Variants in GRIP1 observed in about 807,000 individuals in gnomAD.
GRIP1 encodes glutamate receptor interacting protein 1.
Under a neutral mutation model 129.9 loss-of-function variants are expected in GRIP1, and 45 were observed. The observed-to-expected ratio is 0.35, with a 90% confidence interval of 0.27 to 0.44. GRIP1 has a LOEUF of 0.44. Among genes scored for constraint, GRIP1 ranks in the 20% least tolerant of loss-of-function variants. The pLI is 1.00. For missense variants in GRIP1, 1,196 were observed against 1,396.8 expected (o/e 0.86, Z 2.29); for synonymous variants, 530 against 520.8 (o/e 1.02, Z -0.24).
At chr12:66,397,612 AT>A (rs1327327152) in intron 16 of GRIP1, among the ~76,000 whole-genome samples, 1 of 152,178 alleles carries the variant, frequency 6.6e-6, no homozygotes, top group African/African-American at 2.4e-5. Context: ...AAATGTGAAC[AT>A]TGAGTGAATA....
chr12:66,497,514 G>C lies in GRIP1; in HGVS notation c.724+18105C>G, dbSNP rs973311611. On this transcript the variant is annotated intron_variant, in intron 7 of 24. Coordinates refer to ENST00000359742, the MANE Select transcript of GRIP1 (RefSeq NM_001366722.1). ...AGAGCATTGGGAATCAAAGGGAAGAGAGCAACTGGGAAAGTTGAACACTGA... is the reference window on the plus strand; with the variant it reads ...AGAGCATTGGGAATCAAAGGGAAGACAGCAACTGGGAAAGTTGAACACTGA... Among the ~76,000 whole-genome samples the C allele has an allele frequency of 2.0e-5, 3 of 152,186 alleles. No individual in the cohort carries two copies. The South Asian group carries it at 6.2e-4, about 32-fold the overall frequency.
intron 2 of GRIP1, among the ~76,000 whole-genome samples, chr12:66,562,889 T>G (rs201819988): frequency 6.6e-6 from 1 of 151,498 alleles, no homozygotes; most frequent in African/African-American, 2.4e-5. Flanking sequence ...ATTCTTATAA[T>G]AAAAGAGAAT....
At chr12:66,744,401 A>G (rs1027738224) in intron 1 of GRIP1, among the ~76,000 whole-genome samples, 1 of 152,132 alleles carries the variant, frequency 6.6e-6, no homozygotes, top group Non-Finnish European at 1.5e-5. Flanking sequence ...GATAATAAAC[A>G]TAATGCCCTA....
intron 1 of GRIP1, among the ~76,000 whole-genome samples, chr12:66,784,540 G>C (rs540349551): frequency 6.6e-6 from 1 of 152,154 alleles, no homozygotes; most frequent in African/African-American, 2.4e-5. Flanking sequence ...GTCCATGCTC[G>C]TAATGACTAC....
At chr12:66,783,751 A>G (rs2038231548) in intron 1 of GRIP1, among the ~76,000 whole-genome samples, 1 of 152,164 alleles carries the variant, frequency 6.6e-6, no homozygotes, top group South Asian at 2.1e-4. Flanking sequence ...AAAAAATACT[A>G]GTTTTGAGTT....
At chr12:66,411,553 A>G (rs2057403283) in intron 15 of GRIP1, among the ~76,000 whole-genome samples, 1 of 152,212 alleles carries the variant, frequency 6.6e-6, no homozygotes. Context: ...TGAAAACTCA[A>G]AAAGCCAGAG....
intron 11 of GRIP1, among the ~76,000 whole-genome samples, chr12:66,454,496 CT>C (rs1367934699): frequency 1.3e-5 from 2 of 152,208 alleles, no homozygotes; most frequent in South Asian, 4.1e-4. Context: ...GTGTTCTCTT[CT>C]TCCACAAGTT....
At chr12:66,514,152 C>T (rs1450493687) in intron 7 of GRIP1, among the ~76,000 whole-genome samples, 1 of 152,110 alleles carries the variant, frequency 6.6e-6, no homozygotes, top group East Asian at 1.9e-4. Context: ...TGTTTACTGT[C>T]TGTTTTTCCT....
intron 1 of GRIP1, among the ~76,000 whole-genome samples, chr12:66,699,203 G>A (rs2035266051): frequency 1.3e-5 from 2 of 152,172 alleles, no homozygotes; most frequent in African/African-American, 2.4e-5. Flanking sequence ...TAGTGTCCCA[G>A]ACAGACATAT....
intron 7 of GRIP1, among the ~76,000 whole-genome samples, chr12:66,510,152 A>C (rs2060655165): frequency 6.6e-6 from 1 of 152,134 alleles, no homozygotes. Flanking sequence ...ATATGCATTA[A>C]CCCTTCTGCT....
intron 1 of GRIP1, among the ~76,000 whole-genome samples, chr12:66,992,382 AAT>A (rs755000257): frequency 9.3e-5 from 7 of 74,978 alleles, no homozygotes; most frequent in Admixed American, 4.3e-4. Context: ...AGAAAAAAAA[AAT>A]TTTTTTTTAA....
intron 1 of GRIP1, among the ~76,000 whole-genome samples, chr12:66,771,955 G>T (rs959598962): frequency 6.6e-6 from 1 of 152,096 alleles, no homozygotes; most frequent in African/African-American, 2.4e-5. Flanking sequence ...AAGGACCAAA[G>T]GACCACAGGA....
At chr12:66,687,420 A>G (rs2034823991) in intron 1 of GRIP1, among the ~76,000 whole-genome samples, 1 of 152,194 alleles carries the variant, frequency 6.6e-6, no homozygotes, top group African/African-American at 2.4e-5. Context: ...CTAAGGAGTC[A>G]GAAGCCTCAG....
chr12:66,961,828 C>G (rs774356777), intron 1 of GRIP1, among the ~76,000 whole-genome samples: 2 of 152,082 alleles, frequency 1.3e-5, no homozygotes, highest in African/African-American at 4.8e-5. Context: ...GCCTGGCAGC[C>G]AGAAAATAAT....
At chr12:66,647,867 G>A (rs76496329) in intron 1 of GRIP1, among the ~76,000 whole-genome samples, 6,457 of 152,046 alleles carry the variant, frequency 0.042, 195 homozygotes, top group East Asian at 0.12. Flanking sequence ...GGTTAAATTC[G>A]GTTTATCTTT....
chr12:66,707,502 C>CAAAA (rs1565979272), intron 1 of GRIP1, among the ~76,000 whole-genome samples: 1 of 86,000 alleles, frequency 1.2e-5, no homozygotes. Context: ...CAATCACTGA[C>CAAAA]TAAAAAAAAA....
chr12:66,992,838 T>C (rs1489447882), intron 1 of GRIP1, among the ~76,000 whole-genome samples: 3 of 152,112 alleles, frequency 2.0e-5, no homozygotes, highest in Non-Finnish European at 4.4e-5. Flanking sequence ...AAAGGCCAGG[T>C]GTGGTAGCTC....
At chr12:66,443,304 C>A (rs942364310) in intron 13 of GRIP1, among the ~76,000 whole-genome samples, 1 of 152,164 alleles carries the variant, frequency 6.6e-6, no homozygotes, top group East Asian at 1.9e-4. Context: ...GATATTTAAT[C>A]GAGTTCCTTT....
intron 2 of GRIP1, among the ~76,000 whole-genome samples, chr12:66,557,276 A>G (rs1337300497): frequency 6.6e-6 from 1 of 152,212 alleles, no homozygotes; most frequent in Non-Finnish European, 1.5e-5. Flanking sequence ...GCAAGAGGAT[A>G]TAACCATTGT....
Sources: gnomAD v4.1 joint callset for allele counts (sites outside exome capture counted in the v4.1 genomes callset) on GRCh38, gnomAD v4.1.1 for gene constraint, MANE v1.5 for transcripts, NCBI Gene and HGNC (gene_info 2026-07-23, HGNC 2026-07-21) for gene names.